Variants in TXK observed in about 807,000 individuals in gnomAD.
TXK encodes TXK tyrosine kinase, also known as tyrosine-protein kinase TXK.
In TXK, 60 loss-of-function variants were observed where a neutral mutation model predicts 81.0. The observed-to-expected ratio is 0.74, with a 90% confidence interval of 0.60 to 0.92. The LOEUF is 0.92. Among genes scored for constraint, TXK ranks in the 40% least tolerant of loss-of-function variants. The pLI, the probability that TXK is intolerant of heterozygous loss-of-function variation, is 0.00. For synonymous variants in TXK, 203 were observed against 210.7 expected (o/e 0.96, Z 0.32); for missense variants, 581 against 638.3 (o/e 0.91, Z 0.97).
intron 1 of TXK, among the ~76,000 whole-genome samples, chr4:48,120,276 C>T (rs537726132): frequency 5.5e-5 from 8 of 146,682 alleles, no homozygotes; most frequent in South Asian, 2.1e-4. Context: ...CACATATATA[C>T]GTATATATGT....
At chr4:48,071,752 C>T in intron 13 of TXK, 78 bp from the exon 14 acceptor site, 1 of 1,524,590 alleles carries the variant, frequency 6.6e-7, no homozygotes, top group South Asian at 1.2e-5. Flanking sequence ...TTTCAAACTA[C>T]AAGGCATTAT....
At chr4:48,132,877 T>A (rs962454983) in intron 1 of TXK, among the ~76,000 whole-genome samples, 1 of 150,092 alleles carries the variant, frequency 6.7e-6, no homozygotes, top group Admixed American at 6.7e-5. Context: ...ACCCAGGAGG[T>A]GGAGGTTGCA....
chr4:48,117,319 T>G (rs933601737), intron 1 of TXK, among the ~76,000 whole-genome samples: 1 of 152,240 alleles, frequency 6.6e-6, no homozygotes, highest in Non-Finnish European at 1.5e-5. Context: ...TGTTTAGTCT[T>G]GTCTTTGTAG....
At chr4:48,067,927 C>A (rs1716673497) in intron 14 of TXK, among the ~76,000 whole-genome samples, 1 of 152,138 alleles carries the variant, frequency 6.6e-6, no homozygotes, top group African/African-American at 2.4e-5. Flanking sequence ...CTGGCAGAGA[C>A]CTGAATCCAG....
chr4:48,096,883 C>A (rs187166180), intron 6 of TXK, among the ~76,000 whole-genome samples: 11 of 152,206 alleles, frequency 7.2e-5, no homozygotes, highest in African/African-American at 2.4e-4. Context: ...CGAAGAATAT[C>A]TAGAAAGTAA....
Position 48,095,262 on chromosome 4 carries a change from T to C in TXK, c.502-40A>G. 3 of 1,518,278 alleles carry C rather than the reference T, an allele frequency of 2.0e-6. No homozygotes were observed. The Admixed American group carries it at 5.3e-5, about 27-fold the overall frequency. 94.1% of individuals were successfully genotyped at this position (1,518,278 alleles called of 1,614,324 possible). On this transcript the variant is annotated intron_variant, in intron 6 of 14. Transcript: ENST00000264316. ...ATTTATTGAATAAGTCTATTCCTTC[T>C]TAGAAAGACAAACCTACAACTCAGG...
At chr4:48,107,736 G>C (rs1018329956) in intron 5 of TXK, among the ~76,000 whole-genome samples, 6 of 151,488 alleles carry the variant, frequency 4.0e-5, no homozygotes, top group Non-Finnish European at 8.8e-5. Flanking sequence ...CCCGCCCCAG[G>C]CTCCAGTGTA....
intron 1 of TXK, among the ~76,000 whole-genome samples, chr4:48,123,706 C>A (rs1456126612): frequency 1.3e-5 from 2 of 152,188 alleles, no homozygotes; most frequent in Non-Finnish European, 2.9e-5. Flanking sequence ...AAGCGGGGAG[C>A]CAGGATTTGA....
At chr4:48,126,379 C>T (rs1719090755) in intron 1 of TXK, among the ~76,000 whole-genome samples, 2 of 152,160 alleles carry the variant, frequency 1.3e-5, no homozygotes, top group Middle Eastern at 3.2e-3. Flanking sequence ...ACATAACATA[C>T]AAAATACGTG....
At chr4:48,105,981 T>A (rs1243073820) in intron 5 of TXK, 1 of 152,120 alleles carries the variant, frequency 6.6e-6, no homozygotes, top group Non-Finnish European at 1.5e-5. Flanking sequence ...TAATACCTAG[T>A]CAGTAAGCAA....
chr4:48,120,003 T>C (rs1305805266), intron 1 of TXK, among the ~76,000 whole-genome samples: 3 of 151,904 alleles, frequency 2.0e-5, no homozygotes, highest in Non-Finnish European at 2.9e-5. Context: ...GTATTCAAAT[T>C]CAAAATTTTA....
chr4:48,127,461 A>G (rs1305597366), intron 1 of TXK, among the ~76,000 whole-genome samples: 1 of 152,234 alleles, frequency 6.6e-6, no homozygotes, highest in Non-Finnish European at 1.5e-5. Flanking sequence ...TAACCTGCAG[A>G]GGGAAAGCTC....
At chr4:48,074,278 G>T (rs915103053) in intron 12 of TXK, among the ~76,000 whole-genome samples, 2 of 152,134 alleles carry the variant, frequency 1.3e-5, no homozygotes, top group African/African-American at 4.8e-5. Flanking sequence ...AAATCATAAT[G>T]CTGCTTCAGT....
intron 6 of TXK, among the ~76,000 whole-genome samples, chr4:48,099,513 T>C (rs1718106669): frequency 6.6e-6 from 1 of 152,198 alleles, no homozygotes. Context: ...TTTTCCCAAA[T>C]TAATCTGTAC....
chr4:48,113,100 T>A, intron 3 of TXK, 107 bp downstream of exon 3: 1 of 672,456 alleles, frequency 1.5e-6, no homozygotes, highest in Non-Finnish European at 2.5e-6. Flanking sequence ...ACTTATTTTA[T>A]GCCAAGCAGG....
intron 6 of TXK, among the ~76,000 whole-genome samples, chr4:48,099,932 C>G (rs1444630691): frequency 2.0e-5 from 3 of 152,032 alleles, no homozygotes; most frequent in Admixed American, 6.5e-5. Flanking sequence ...CGCCTGTAAT[C>G]CCAGCACTTT....
chr4:48,074,513 G>C (rs1225259014), intron 12 of TXK, among the ~76,000 whole-genome samples: 1 of 152,110 alleles, frequency 6.6e-6, no homozygotes, highest in Non-Finnish European at 1.5e-5. Flanking sequence ...CATACAGAAG[G>C]GGGGAAAGTA....
chr4:48,091,880 A>G (rs1478069550), intron 8 of TXK, among the ~76,000 whole-genome samples: 1 of 152,206 alleles, frequency 6.6e-6, no homozygotes, highest in African/African-American at 2.4e-5. Context: ...AGGCAATAAG[A>G]CCAGTTAAGA....
At chr4:48,093,970 C>CGA in intron 8 of TXK, 107 bp downstream of exon 8, 1 of 1,411,832 alleles carries the variant, frequency 7.1e-7, no homozygotes. Flanking sequence ...AGCTTTTAAA[C>CGA]TATTTCTATA....
Sources: allele counts gnomAD v4.1 joint callset (sites outside exome capture counted in the v4.1 genomes callset), GRCh38; gene constraint gnomAD v4.1.1; transcripts MANE v1.5; gene names NCBI Gene and HGNC (gene_info 2026-07-23, HGNC 2026-07-21).